The following CNTN5 variants were observed in gnomAD, a reference collection of about 807,000 sequenced individuals.
CNTN5 encodes contactin-5.
Under a neutral mutation model 129.1 loss-of-function variants are expected in CNTN5, and 77 were observed. The ratio of observed to expected loss-of-function variants is 0.60; its 90% CI spans 0.50 to 0.72. The LOEUF is 0.72. Among genes scored for constraint, CNTN5 ranks in the 30% least tolerant of loss-of-function variants. The pLI, the probability that CNTN5 is intolerant of heterozygous loss-of-function variation, is 0.00. For missense variants in CNTN5, 1,478 were observed against 1,328.8 expected (o/e 1.11, Z -1.75); for synonymous variants, 509 against 465.6 (o/e 1.09, Z -1.20).
At chr11:99,357,205 A>G (rs527789514) in intron 2 of CNTN5, among the ~76,000 whole-genome samples, 1 of 152,226 alleles carries the variant, frequency 6.6e-6, no homozygotes, top group East Asian at 1.9e-4. Flanking sequence ...AAATTCTCTC[A>G]TATTACTAAC....
intron 6 of CNTN5, among the ~76,000 whole-genome samples, chr11:99,878,632 C>G (rs1227647742): frequency 6.6e-6 from 1 of 152,120 alleles, no homozygotes; most frequent in African/African-American, 2.4e-5. Context: ...CCCAGGCAGG[C>G]GGATCACGAG....
At chr11:99,788,961 C>T (rs954883630) in intron 3 of CNTN5, among the ~76,000 whole-genome samples, 1 of 151,726 alleles carries the variant, frequency 6.6e-6, no homozygotes, top group Non-Finnish European at 1.5e-5. Context: ...CTCTCAAAAT[C>T]TAGTAGCTTA....
At chr11:100,320,099 G>A (rs1417298951) in intron 21 of CNTN5, among the ~76,000 whole-genome samples, 1 of 152,126 alleles carries the variant, frequency 6.6e-6, no homozygotes, top group Non-Finnish European at 1.5e-5. Context: ...AGATTATATA[G>A]TAGTTCCATT....
intron 21 of CNTN5, among the ~76,000 whole-genome samples, chr11:100,328,952 C>T (rs1951844574): frequency 6.6e-6 from 1 of 152,118 alleles, no homozygotes; most frequent in South Asian, 2.1e-4. Context: ...AACTGGATCA[C>T]CACTGAAAGC....
chr11:100,329,235 C>T (rs189389387), intron 21 of CNTN5, among the ~76,000 whole-genome samples: 1 of 152,158 alleles, frequency 6.6e-6, no homozygotes, highest in Non-Finnish European at 1.5e-5. Flanking sequence ...CTCCACTGGA[C>T]TGGGAACCAC....
chr11:99,702,068 T>C (rs778793674), intron 3 of CNTN5, among the ~76,000 whole-genome samples: 1 of 151,088 alleles, frequency 6.6e-6, no homozygotes, highest in Non-Finnish European at 1.5e-5. Context: ...ATTTAAGTTA[T>C]ATAGTTATTA....
chr11:99,363,671 T>C (rs568773565), intron 2 of CNTN5, among the ~76,000 whole-genome samples: 78 of 152,182 alleles, frequency 5.1e-4, no homozygotes, highest in African/African-American at 1.8e-3. Context: ...ACCAAAGTTG[T>C]CCATATTTCA....
intron 18 of CNTN5, among the ~76,000 whole-genome samples, chr11:100,289,940 A>G (rs1384681203): frequency 1.5e-4 from 23 of 151,674 alleles, no homozygotes; most frequent in African/African-American, 5.3e-4. Flanking sequence ...ATGTGCAAAA[A>G]TCACAAGCAT....
Position 100,358,450 on chromosome 11 carries a change from C to A in CNTN5, c.*2230C>A, listed in dbSNP as rs908662661. On this transcript the variant is annotated 3_prime_UTR_variant, in exon 25 of 25. Transcript: ENST00000524871. ...CATACACAGAATATGTATTTTGCAT[C>A]ATAAACCTATTTAAAAAACAGGTTT... is the stretch of plus-strand genomic sequence containing the variant. 5 of 151,866 alleles carry A rather than the reference C, an allele frequency of 3.3e-5. No homozygotes were observed. Among genetic ancestry groups the A allele is most frequent in the African/African-American group, 1.2e-4 (5 of 41,420 alleles). The allele number at this position is 151,866 out of a possible 1,614,324, so 9.4% of individuals were successfully genotyped here.
intron 2 of CNTN5, among the ~76,000 whole-genome samples, chr11:99,524,565 A>T (rs1290139885): frequency 6.6e-6 from 1 of 152,054 alleles, no homozygotes; most frequent in Non-Finnish European, 1.5e-5. Flanking sequence ...TAATCCTAGC[A>T]CTTTGGGAGG....
chr11:99,626,103 G>T (rs962394863), intron 3 of CNTN5, among the ~76,000 whole-genome samples: 2 of 151,996 alleles, frequency 1.3e-5, no homozygotes, highest in African/African-American at 2.4e-5. Context: ...GGGTGAATGG[G>T]AGAATGGAGA....
intron 3 of CNTN5, among the ~76,000 whole-genome samples, chr11:99,606,364 A>G (rs1950414727): frequency 7.4e-6 from 1 of 135,374 alleles, no homozygotes; most frequent in Non-Finnish European, 1.6e-5. Context: ...CAAAGAGAAT[A>G]AAATACCTAG....
In CNTN5 at chr11:99,659,490, A is replaced by C. The variant is rs188490858; in HGVS notation, c.55+103221A>C. Among the ~76,000 whole-genome samples, 20 of 152,276 alleles carry C rather than the reference A, an allele frequency of 1.3e-4. No homozygotes were observed. In the East Asian group the frequency reaches 3.9e-3, roughly 29 times the overall value. ...ATACTAGTCTTAGTTCTTCAGAAAA[A>C]CAGAACAAATTGGGTGTGTATATGT... On this transcript the variant is annotated intron_variant, in intron 3 of 24. Transcript: ENST00000524871.
At chr11:99,902,479 T>C (rs891262568) in intron 6 of CNTN5, among the ~76,000 whole-genome samples, 2 of 152,052 alleles carry the variant, frequency 1.3e-5, no homozygotes, top group African/African-American at 4.8e-5. Flanking sequence ...ATAGTTGATT[T>C]ACAGAAAAAA....
intron 1 of CNTN5, among the ~76,000 whole-genome samples, chr11:99,241,197 A>G (rs1861532232): frequency 6.6e-6 from 1 of 152,002 alleles, no homozygotes; most frequent in South Asian, 2.1e-4. Context: ...ATCCTTAGCA[A>G]TTTATTTCCT....
chr11:100,238,408 CAAAAAAAAAAAAAA>C (rs201855934), intron 16 of CNTN5, among the ~76,000 whole-genome samples: 1 of 71,328 alleles, frequency 1.4e-5, no homozygotes, highest in Non-Finnish European at 2.8e-5. Context: ...CCTCACTTGT[CAAAAAAAAAAAAAA>C]AAAAAAAAGG....
intron 15 of CNTN5, among the ~76,000 whole-genome samples, chr11:100,199,002 G>GT (rs902317252): frequency 3.3e-5 from 5 of 151,904 alleles, no homozygotes; most frequent in African/African-American, 1.2e-4. Flanking sequence ...ATAGAACATA[G>GT]TAAGTGCTCA....
intron 21 of CNTN5, chr11:100,337,406 C>T (rs1952058326): frequency 3.9e-6 from 3 of 771,520 alleles, no homozygotes; most frequent in Non-Finnish European, 7.2e-6. Context: ...ATCAGCAATC[C>T]AGGGAAGAGT....
intron 3 of CNTN5, among the ~76,000 whole-genome samples, chr11:99,608,090 T>TA (rs1224467282): frequency 2.7e-5 from 2 of 74,942 alleles, no homozygotes; most frequent in East Asian, 1.3e-3. Context: ...CCCTAAAACT[T>TA]AGAGTATAAT....
Sources: allele counts gnomAD v4.1 joint callset (sites outside exome capture counted in the v4.1 genomes callset), GRCh38; gene constraint gnomAD v4.1.1; transcripts MANE v1.5; gene names NCBI Gene and HGNC (gene_info 2026-07-23, HGNC 2026-07-21).